The following CSMD3 variants were observed in gnomAD, a reference collection of about 807,000 sequenced individuals.
The protein encoded by CSMD3 is CUB and Sushi multiple domains 3.
In CSMD3, 177 loss-of-function variants were observed where a neutral mutation model predicts 435.2. The observed-to-expected ratio is 0.41, with a 90% CI of 0.36 to 0.46. CSMD3 has a LOEUF of 0.46. Ranked by LOEUF, CSMD3 falls within the 20% of genes least tolerant of loss-of-function variation. The pLI is 0.34. For synonymous variants in CSMD3, 1,656 were observed against 1,520.5 expected (o/e 1.09, Z -2.07); for missense variants, 4,265 against 4,504.6 (o/e 0.95, Z 1.52).
At chr8:113,421,804 AC>A (rs1347404774) in intron 1 of CSMD3, among the ~76,000 whole-genome samples, 1 of 152,202 alleles carries the variant, frequency 6.6e-6, no homozygotes, top group African/African-American at 2.4e-5. Flanking sequence ...TACCCAGGAA[AC>A]AGCCAGGAAA....
chr8:112,384,791 A>G (rs1382617665), intron 36 of CSMD3, among the ~76,000 whole-genome samples: 1 of 152,238 alleles, frequency 6.6e-6, no homozygotes, highest in Non-Finnish European at 1.5e-5. Flanking sequence ...GAATAAGACC[A>G]GAAGTAAAGC....
At chr8:113,083,321 G>T (rs1488051292) in intron 5 of CSMD3, among the ~76,000 whole-genome samples, 1 of 152,044 alleles carries the variant, frequency 6.6e-6, no homozygotes, top group African/African-American at 2.4e-5. Context: ...TAAGCCGGGA[G>T]AGAATGAGAT....
intron 32 of CSMD3, among the ~76,000 whole-genome samples, chr8:112,414,423 C>T (rs1811691828): frequency 6.6e-6 from 1 of 152,172 alleles, no homozygotes; most frequent in African/African-American, 2.4e-5. Context: ...AAGAAGGTGC[C>T]TGCTTCTCCC....
chr8:112,789,016 CAT>C (rs1398072578), intron 13 of CSMD3, among the ~76,000 whole-genome samples: 1 of 152,056 alleles, frequency 6.6e-6, no homozygotes, highest in African/African-American at 2.4e-5. Context: ...CAAAATATCA[CAT>C]GTGACTTGGT....
chr8:113,253,452 A>G (rs938166112), intron 3 of CSMD3, among the ~76,000 whole-genome samples: 5 of 151,438 alleles, frequency 3.3e-5, no homozygotes, highest in African/African-American at 1.2e-4. Context: ...TTACAAATTG[A>G]CTTTTTAAAT....
At position 112,279,550 on chromosome 8, in the gene CSMD3, GT is replaced by G. The variant is rs1586635189; in HGVS notation, c.9508+1623del. ...TGGACCTGTCCTTCTAATTACAATA[GT>G]TAATACAGCCCAACTTAGATTAAAA... On this transcript the variant is annotated intron_variant, in intron 59 of 70. Transcript: ENST00000297405. 4.6e-5 allele frequency among the ~76,000 whole-genome samples: 7 copies of G among 152,238 alleles called. 1 individual carries two copies. In the East Asian group the frequency reaches 1.4e-3, roughly 29 times the overall value.
chr8:112,271,374 T>G (rs749563673), intron 59 of CSMD3, among the ~76,000 whole-genome samples: 1 of 152,152 alleles, frequency 6.6e-6, no homozygotes, highest in Non-Finnish European at 1.5e-5. Context: ...AAATTAAAAA[T>G]TTTTTAGAGA....
chr8:113,230,013 G>C (rs932059985), intron 3 of CSMD3, among the ~76,000 whole-genome samples: 1 of 151,628 alleles, frequency 6.6e-6, no homozygotes, highest in Non-Finnish European at 1.5e-5. Flanking sequence ...GAACCTGCCA[G>C]AAAGAAAAAT....
chr8:113,414,651 CA>C (rs780988317), intron 1 of CSMD3, among the ~76,000 whole-genome samples: 35,582 of 85,182 alleles, frequency 0.42, 4,455 homozygotes, highest in Middle Eastern at 0.53. Flanking sequence ...TGCCCAAATA[CA>C]AAAAAAAAAA....
At chr8:113,087,270 T>C (rs1477903240) in intron 5 of CSMD3, among the ~76,000 whole-genome samples, 1 of 151,990 alleles carries the variant, frequency 6.6e-6, no homozygotes, top group Non-Finnish European at 1.5e-5. Context: ...ATCGTGAAAA[T>C]GGCCATATTG....
chr8:112,496,026 G>A (rs1417796825), intron 30 of CSMD3, among the ~76,000 whole-genome samples: 8 of 152,068 alleles, frequency 5.3e-5, no homozygotes, highest in Non-Finnish European at 8.8e-5. Flanking sequence ...CTGGAGTGTA[G>A]TGGTGCGATC....
intron 5 of CSMD3, among the ~76,000 whole-genome samples, chr8:113,046,211 A>G (rs944572685): frequency 6.7e-6 from 1 of 148,720 alleles, no homozygotes; most frequent in Non-Finnish European, 1.5e-5. Context: ...CAACCACACG[A>G]GGTGCGACCC....
chr8:112,285,019 G>C (rs534495139), intron 58 of CSMD3, among the ~76,000 whole-genome samples: 1 of 151,482 alleles, frequency 6.6e-6, no homozygotes, highest in Non-Finnish European at 1.5e-5. Flanking sequence ...TTTTATTTCT[G>C]CTTTCTGTTC....
intron 2 of CSMD3, among the ~76,000 whole-genome samples, chr8:113,302,419 G>A (rs2093780140): frequency 6.7e-6 from 1 of 149,550 alleles, no homozygotes; most frequent in East Asian, 1.9e-4. Context: ...TTCAGAGAAT[G>A]TTAGTTTTTA....
At chr8:112,242,327 T>G (rs1426883989) in intron 65 of CSMD3, among the ~76,000 whole-genome samples, 1 of 152,134 alleles carries the variant, frequency 6.6e-6, no homozygotes, top group East Asian at 1.9e-4. Flanking sequence ...TGGAATATTA[T>G]AGGAGCTATG....
At chr8:112,891,954 A>T (rs1424041141) in intron 10 of CSMD3, among the ~76,000 whole-genome samples, 1 of 151,352 alleles carries the variant, frequency 6.6e-6, no homozygotes, top group Non-Finnish European at 1.5e-5. Context: ...AGGGCAGAAA[A>T]TGTGGGAATA....
Position 112,993,000 on chromosome 8 carries a change from T to A in CSMD3, c.1031-16852A>T, listed in dbSNP as rs556717682. On this transcript the variant is annotated intron_variant, in intron 6 of 70. Transcript: ENST00000297405. ...AATCACTATTACAGAGCTTCTGCAC[T>A]GGAATGCACATTTGAAAAGGCTGAA... 2.6e-5 allele frequency among the ~76,000 whole-genome samples: 4 copies of A among 151,944 alleles called. No individual in the cohort carries two copies. The South Asian group carries it at 8.3e-4, about 31-fold the overall frequency.
chr8:112,650,371 A>G (rs2131633849), intron 18 of CSMD3, 22 bp from the exon 19 acceptor site: 1 of 1,588,390 alleles, frequency 6.3e-7, no homozygotes, highest in Non-Finnish European at 8.6e-7. Flanking sequence ...AGGGAAGAAA[A>G]TAAAGAGTAA....
chr8:113,170,633 T>A (rs890778983), intron 4 of CSMD3, among the ~76,000 whole-genome samples: 3 of 152,174 alleles, frequency 2.0e-5, no homozygotes, highest in Admixed American at 6.6e-5. Flanking sequence ...GCAATCATCA[T>A]ACATTACTGC....
Sources: gnomAD v4.1 joint callset for allele counts (sites outside exome capture counted in the v4.1 genomes callset) on GRCh38, gnomAD v4.1.1 for gene constraint, MANE v1.5 for transcripts, NCBI Gene and HGNC (gene_info 2026-07-23, HGNC 2026-07-21) for gene names.